ARID4B: variants seen among roughly 807,000 people sequenced by gnomAD.
The protein encoded by ARID4B is AT-rich interaction domain 4B.
Under a neutral mutation model 147.5 loss-of-function variants are expected in ARID4B, and 26 were observed. That is an observed-to-expected ratio of 0.18 (90% CI 0.13 to 0.24). The LOEUF is 0.24. Ranked by LOEUF, ARID4B falls within the 10% of genes least tolerant of loss-of-function variation. ARID4B has a pLI of 1.00. For missense variants in ARID4B, 1,179 were observed against 1,511.5 expected (o/e 0.78, Z 3.65); for synonymous variants, 512 against 507.9 (o/e 1.01, Z -0.11).
chr1:235,253,730 T>C (rs1427194498), intron 5 of ARID4B, among the ~76,000 whole-genome samples: 13 of 152,310 alleles, frequency 8.5e-5, no homozygotes, highest in African/African-American at 2.9e-4. Context: ...ATCTGTGATA[T>C]ACATAAATAA....
chr1:235,184,895 C>T (rs1664569049), intron 19 of ARID4B, among the ~76,000 whole-genome samples: 1 of 152,152 alleles, frequency 6.6e-6, no homozygotes, highest in South Asian at 2.1e-4. Flanking sequence ...CAGTTCACTG[C>T]AACCTCCTCT....
At chr1:235,288,866 G>A (rs1672151023) in intron 2 of ARID4B, among the ~76,000 whole-genome samples, 1 of 152,220 alleles carries the variant, frequency 6.6e-6, no homozygotes, top group Non-Finnish European at 1.5e-5. Context: ...CTTAGTTACA[G>A]TTAAGTGTTC....
intron 20 of ARID4B, chr1:235,181,255 T>C (rs1664289503): frequency 1.6e-6 from 1 of 606,772 alleles, no homozygotes; most frequent in Non-Finnish European, 2.3e-6. Flanking sequence ...CAGAAATAGA[T>C]TTAAGCTGCT....
intron 7 of ARID4B, among the ~76,000 whole-genome samples, chr1:235,241,829 CTAT>C (rs1285805313): frequency 2.0e-5 from 3 of 151,914 alleles, no homozygotes; most frequent in Non-Finnish European, 2.9e-5. Context: ...AAAGTAAAAA[CTAT>C]TATAATAATA....
At chr1:235,301,156 G>C (rs1215025974) in intron 2 of ARID4B, among the ~76,000 whole-genome samples, 1 of 150,442 alleles carries the variant, frequency 6.6e-6, no homozygotes, top group East Asian at 2.0e-4. Flanking sequence ...AAAGTGTTGG[G>C]ATTATAGGCG....
At chr1:235,182,858 C>G (rs1558177438) in intron 19 of ARID4B, 65 bp from the exon 20 acceptor site, 7 of 1,482,700 alleles carry the variant, frequency 4.7e-6, no homozygotes, top group Non-Finnish European at 6.3e-6. Context: ...TTCTATGTGC[C>G]AGGGACTGTA....
intron 23 of ARID4B, among the ~76,000 whole-genome samples, chr1:235,171,855 TGGTCTCGACCTCC>T (rs1158424045): frequency 6.6e-6 from 1 of 152,090 alleles, no homozygotes; most frequent in African/African-American, 2.4e-5. Flanking sequence ...TTGGCCAAGC[TGGTCTCGACCTCC>T]TGACCTCAGG....
At chr1:235,268,777 C>A (rs1403043196) in intron 2 of ARID4B, among the ~76,000 whole-genome samples, 2 of 152,090 alleles carry the variant, frequency 1.3e-5, no homozygotes, top group Admixed American at 1.3e-4. Flanking sequence ...CGGCCCACGT[C>A]TTGATTTCTA....
chr1:235,226,814 G>A lies in ARID4B; in HGVS notation c.898-2039C>T, dbSNP rs773857542. On this transcript the variant is annotated intron_variant, in intron 11 of 23. Transcript: ENST00000264183. Reference sequence around the variant, plus strand: ...GCTGGGATTACAGGCGTGAGCCACCGCGCCCAGCCACACCCAGCTAATTTT... The same window carrying A: ...GCTGGGATTACAGGCGTGAGCCACCACGCCCAGCCACACCCAGCTAATTTT... Among the ~76,000 whole-genome samples, 6 of 151,936 alleles carry A rather than the reference G, an allele frequency of 3.9e-5. No individual in the cohort carries two copies. In the East Asian group the frequency reaches 7.7e-4, roughly 20 times the overall value.
chr1:235,181,174 G>A (rs2102921807), intron 20 of ARID4B: 2 of 1,050,254 alleles, frequency 1.9e-6, no homozygotes, highest in Non-Finnish European at 2.3e-6. Context: ...TTTGGTTAAG[G>A]GTGGAGGGGT....
rs181154817 is a variant in ARID4B at position 235,259,776 on chromosome 1, G to C, written c.117+866C>G. Among the ~76,000 whole-genome samples the C allele has an allele frequency of 7.2e-5, 11 of 152,206 alleles. No homozygotes were observed. In the East Asian group the frequency reaches 2.1e-3, roughly 29 times the overall value. On this transcript the variant is annotated intron_variant, in intron 3 of 23. Transcript: ENST00000264183. The stretch of plus-strand genomic sequence containing the variant: ...AACACATCCATGCATAAGGAATATA[G>C]GAACAGTAAAAGCTCCAGAAGAGAC...
At chr1:235,250,097 A>C (rs1236142173) in intron 6 of ARID4B, among the ~76,000 whole-genome samples, 1 of 151,928 alleles carries the variant, frequency 6.6e-6, no homozygotes, top group Non-Finnish European at 1.5e-5. Flanking sequence ...ACAGAGCGAG[A>C]CTCCGTCTCA....
In ARID4B at chr1:235,167,064, C is replaced by T. The variant is rs1218909231; in HGVS notation, c.*1461G>A. On this transcript the variant is annotated 3_prime_UTR_variant, in exon 24 of 24. Coordinates refer to ENST00000264183, the MANE Select transcript of ARID4B (RefSeq NM_016374.6). ...GTCAACAAATCTTTACAGTCCTGTA[C>T]AAATTTGAATAACTTGAAACCATTT... 5.4e-6 allele frequency: 1 copy of T among 184,614 alleles called. No homozygotes were observed. The highest frequency in any genetic ancestry group is 2.3e-5 in the African/African-American group (1 of 42,564). 11.4% of individuals were successfully genotyped at this position (184,614 alleles called of 1,614,324 possible).
chr1:235,317,879 A>G (rs369244242), intron 2 of ARID4B, among the ~76,000 whole-genome samples: 1 of 152,196 alleles, frequency 6.6e-6, no homozygotes, highest in East Asian at 1.9e-4. Context: ...CACTTGCCAC[A>G]ACACAAAATA....
At chr1:235,173,246 G>A (rs1663498104) in intron 22 of ARID4B, among the ~76,000 whole-genome samples, 2 of 151,996 alleles carry the variant, frequency 1.3e-5, no homozygotes, top group Non-Finnish European at 2.9e-5. Context: ...CGGGAGGCTG[G>A]GGCAGGATAA....
At chr1:235,295,103 C>T (rs145574442) in intron 2 of ARID4B, among the ~76,000 whole-genome samples, 1,562 of 151,984 alleles carry the variant, frequency 0.01, 24 homozygotes, top group African/African-American at 0.033. Flanking sequence ...TGTAAATAGA[C>T]AGACAAAGGA....
chr1:235,269,810 T>G (rs916152305), intron 2 of ARID4B, among the ~76,000 whole-genome samples: 2 of 152,134 alleles, frequency 1.3e-5, no homozygotes, highest in African/African-American at 2.4e-5. Flanking sequence ...TACAGCAAAT[T>G]TGGAATTATT....
chr1:235,244,043 T>C (rs1027833663), intron 7 of ARID4B, among the ~76,000 whole-genome samples: 5 of 152,156 alleles, frequency 3.3e-5, no homozygotes, highest in Non-Finnish European at 7.4e-5. Flanking sequence ...AATCTACAGA[T>C]TAAAATATAT....
chr1:235,178,490 C>T (rs552771032), intron 20 of ARID4B, among the ~76,000 whole-genome samples: 11 of 152,126 alleles, frequency 7.2e-5, no homozygotes, highest in African/African-American at 2.2e-4. Flanking sequence ...TTCTAAAAAA[C>T]GTCTCATCTT....
Sources: allele counts gnomAD v4.1 joint callset (sites outside exome capture counted in the v4.1 genomes callset), GRCh38; gene constraint gnomAD v4.1.1; transcripts MANE v1.5; gene names NCBI Gene and HGNC (gene_info 2026-07-23, HGNC 2026-07-21).